The following F8 variants were observed in gnomAD, a reference collection of about 807,000 sequenced individuals.
The protein encoded by F8 is antihemophilic factor.
In F8, 12 loss-of-function variants were observed where a neutral mutation model predicts 140.6. The ratio of observed to expected loss-of-function variants is 0.09; its 90% confidence interval spans 0.05 to 0.14. The LOEUF is 0.14. F8 is among the 10% of genes least tolerant of loss of function. The pLI, the probability that F8 is intolerant of heterozygous loss-of-function variation, is 1.00. For synonymous variants in F8, 585 were observed against 614.6 expected (o/e 0.95, Z 0.71); for missense variants, 1,354 against 1,720.7 (o/e 0.79, Z 3.77).
At chrX:154,871,670 T>C (rs1218338495) in intron 22 of F8, among the ~76,000 whole-genome samples, 2 of 111,879 alleles carry the variant, frequency 1.8e-5, no homozygotes, top group East Asian at 5.6e-4. Context: ...CCAAAAGCAA[T>C]GGCAACAAAA....
At chrX:154,871,484 G>A (rs1009980856) in intron 22 of F8, among the ~76,000 whole-genome samples, 27 of 112,057 alleles carry the variant, frequency 2.4e-4, no homozygotes, top group Non-Finnish European at 1.1e-4. Flanking sequence ...TGGGAAAACT[G>A]GCTAGCCATA....
chrX:155,005,230 C>G (rs1187222344), intron 1 of F8, among the ~76,000 whole-genome samples: 1 of 111,665 alleles, frequency 9.0e-6, no homozygotes, highest in Non-Finnish European at 1.9e-5. Flanking sequence ...CAAGCGTAAC[C>G]GATCCTGATC....
intron 22 of F8, among the ~76,000 whole-genome samples, chrX:154,865,581 G>A (rs1012151245): frequency 5.5e-5 from 6 of 109,697 alleles, no homozygotes; most frequent in African/African-American, 1.3e-4. Flanking sequence ...AAGTTGTGGC[G>A]GGGGGAATGA....
At chrX:154,897,522 C>T (rs1017095093) in intron 21 of F8, 1 of 112,004 alleles carries the variant, frequency 8.9e-6, no homozygotes, top group South Asian at 3.7e-4. Flanking sequence ...TAGTGATAAG[C>T]GCAGGAGAAA....
At chrX:154,961,299 C>G (rs2073394605) in intron 9 of F8, 131 bp from the exon 10 acceptor site, 1 of 470,374 alleles carries the variant, frequency 2.1e-6, no homozygotes, top group African/African-American at 2.4e-5. Context: ...AGATAAAACT[C>G]AAAATATTTG....
chrX:154,996,635 A>G (rs1464279350), intron 3 of F8, among the ~76,000 whole-genome samples: 1 of 111,379 alleles, frequency 9.0e-6, no homozygotes, highest in Non-Finnish European at 1.9e-5. Flanking sequence ...AGAAAATGGC[A>G]GGTTCTGTTT....
chrX:154,933,662 A>G (rs1557279022), intron 13 of F8, among the ~76,000 whole-genome samples: 1 of 112,107 alleles, frequency 8.9e-6, no homozygotes, highest in African/African-American at 3.2e-5. Context: ...CAGAACAGGG[A>G]GAAGGAAACA....
Position 154,930,492 on chromosome X carries a change from T to G in F8, c.3298A>C (p.Lys1100Gln), listed in dbSNP as rs2073188863. 1.7e-6 allele frequency: 2 copies of G among 1,209,754 alleles called. No individual in the cohort carries two copies. The highest frequency in any genetic ancestry group is 2.2e-6 in the Non-Finnish European group (2 of 893,613). Reference protein sequence around the residue: ...SKNMEMVQQKKEGPIPPDAQN... With the variant: ...SKNMEMVQQKQEGPIPPDAQN... ...GCATCTGGTGGAATGGGGCCCTCTT[T>G]TTTCTGTTGGACCATTTCCATGTTT... Residue 1100 changes from lysine to glutamine, a missense_variant, in exon 14 of 26, where the codon AAA becomes CAA. Lys to Gln is a moderately conservative substitution (Grantham distance 53). This residue lies in a region of F8 where 658 missense variants were observed against 666.5 expected (regional missense o/e 0.99). Transcript: ENST00000360256.
intron 22 of F8, among the ~76,000 whole-genome samples, chrX:154,875,632 T>C (rs2072805657): frequency 9.0e-6 from 1 of 111,091 alleles, no homozygotes; most frequent in Admixed American, 9.6e-5. Flanking sequence ...TCATAAGCAG[T>C]AAAGTTTGAA....
At chrX:155,012,022 T>G (rs1355200931) in intron 1 of F8, among the ~76,000 whole-genome samples, 4 of 112,050 alleles carry the variant, frequency 3.6e-5, no homozygotes, top group African/African-American at 6.5e-5. Flanking sequence ...TGTTTAATGA[T>G]TACAGGGTTT....
intron 14 of F8, among the ~76,000 whole-genome samples, chrX:154,923,506 T>C (rs1270297899): frequency 8.9e-6 from 1 of 111,835 alleles, no homozygotes; most frequent in Non-Finnish European, 1.9e-5. Flanking sequence ...GTTCTTGTGA[T>C]AGTGAATAAG....
rs782656088 is a variant in F8, at chrX:154,899,841, C to T, written c.6273+25G>A. 27 of 1,158,910 alleles carry T rather than the reference C, an allele frequency of 2.3e-5. No individual in the cohort carries two copies. In the Admixed American group the frequency reaches 5.7e-4, roughly 24 times the overall value. On this transcript the variant is annotated intron_variant, in intron 21 of 25. Transcript: ENST00000360256. ...GCAATTGATTGAATGTGATACATTT[C>T]CCATCATTGATTACATTTTCTAACC...
intron 1 of F8, 117 bp downstream of exon 1, chrX:155,022,293 T>TGGG: frequency 1.3e-6 from 1 of 773,534 alleles, no homozygotes; most frequent in Non-Finnish European, 2.0e-6. Flanking sequence ...CAGAAATGTT[T>TGGG]CTTTGGGGCC....
At chrX:154,861,259 G>A (rs1557272838) in intron 24 of F8, among the ~76,000 whole-genome samples, 1 of 111,296 alleles carries the variant, frequency 9.0e-6, no homozygotes, top group African/African-American at 3.3e-5. Flanking sequence ...ATGAGCCACC[G>A]CACCCAGCCT....
At position 154,931,413 on chromosome X, in the gene F8, C is replaced by A. The variant is rs782261698; in HGVS notation, c.2377G>T (p.Ala793Ser). 8.3e-7 allele frequency: 1 copy of A among 1,209,322 alleles called. No homozygotes were observed. Among genetic ancestry groups the A allele is most frequent in the African/African-American group, 1.7e-5 (1 of 57,231 alleles). ...ATTTTAGGCATAGGTGTTCTGTGTGCAAACCAAGGGTCAGTCTTCTCTATG... is the reference window on the plus strand; with the variant it reads ...ATTTTAGGCATAGGTGTTCTGTGTGAAAACCAAGGGTCAGTCTTCTCTATG... ...NDIEKTDPWF[A>S]HRTPMPKIQN... Residue 793 changes from alanine (A) to serine (S), a missense_variant, in exon 14 of 26, where the codon GCA (alanine) becomes TCA (serine). Coordinates refer to ENST00000360256, the MANE Select transcript of F8 (RefSeq NM_000132.4).
At chrX:154,939,397 C>T (rs1603434084) in intron 13 of F8, among the ~76,000 whole-genome samples, 1 of 112,716 alleles carries the variant, frequency 8.9e-6, no homozygotes, top group South Asian at 3.6e-4. Context: ...GGGTCCTACG[C>T]CCATGGAGCC....
At chrX:155,005,509 T>C (rs1178880170) in intron 1 of F8, among the ~76,000 whole-genome samples, 2 of 110,921 alleles carry the variant, frequency 1.8e-5, no homozygotes, top group African/African-American at 6.6e-5. Flanking sequence ...AGTTGCAGAC[T>C]CAAGAAAAGC....
chrX:154,919,320 G>A (rs1557277370), intron 14 of F8, among the ~76,000 whole-genome samples: 1 of 112,127 alleles, frequency 8.9e-6, no homozygotes, highest in Non-Finnish European at 1.9e-5. Flanking sequence ...ATTGTCTCAA[G>A]TATAACATTA....
chrX:154,902,264 A>T (rs1603432915), intron 18 of F8, 97 bp from the exon 19 acceptor site: 2 of 652,243 alleles, frequency 3.1e-6, no homozygotes, highest in East Asian at 6.6e-5. Flanking sequence ...AGACCTACCA[A>T]ATTTGGTAGT....
Sources: allele counts gnomAD v4.1 joint callset (sites outside exome capture counted in the v4.1 genomes callset), GRCh38; gene constraint gnomAD v4.1.1; regional missense constraint gnomAD v4.1.1; transcripts MANE v1.5; gene names NCBI Gene and HGNC (gene_info 2026-07-23, HGNC 2026-07-21).